Variants in NFATC3 observed in about 807,000 individuals in gnomAD.
NFATC3 encodes nuclear factor of activated T-cells, cytoplasmic 3.
In NFATC3, 46 loss-of-function variants were observed where a neutral mutation model predicts 98.6. The observed-to-expected ratio is 0.47, with a 90% confidence interval of 0.37 to 0.60. The LOEUF (loss-of-function observed/expected upper bound fraction) is 0.60, where lower values mean the gene tolerates loss of function less well. NFATC3 is among the 20% of genes least tolerant of loss of function. NFATC3 has a pLI of 0.00. For synonymous variants in NFATC3, 512 were observed against 472.2 expected (o/e 1.08, Z -1.09); for missense variants, 1,256 against 1,295.5 (o/e 0.97, Z 0.47).
intron 9 of NFATC3, among the ~76,000 whole-genome samples, chr16:68,214,850 G>T (rs2041570926): frequency 6.6e-6 from 1 of 152,066 alleles, no homozygotes; most frequent in Admixed American, 6.6e-5. Context: ...AGGCAACCCA[G>T]AATATTTATC....
rs770208557 is a variant in NFATC3, at chr16:68,122,800, C to T, written c.917C>T (p.Thr306Ile). 1.4e-5 allele frequency: 23 copies of T among 1,614,166 alleles called. 1 individual carries two copies. The Admixed American group carries it at 3.5e-4, about 25-fold the overall frequency. The change falls in exon 2 of 10, where the codon ACA becomes ATA. Residue 306 changes from threonine (T) to isoleucine (I), a missense_variant. This residue lies in a region of NFATC3 where 464 missense variants were observed against 465.7 expected (regional missense o/e 1.00). Coordinates refer to ENST00000346183, the MANE Select transcript of NFATC3 (RefSeq NM_173165.3). ...SPGHSPRGSV[T>I]EDTWLNASVH... is the part of the protein sequence containing the mutation. ...GGTCACTCCCCCAGGGGAAGTGTGA[C>T]AGAAGATACGTGGCTCAATGCTTCT...
intron 3 of NFATC3, among the ~76,000 whole-genome samples, chr16:68,141,439 G>A (rs1037827942): frequency 6.6e-6 from 1 of 152,178 alleles, no homozygotes; most frequent in South Asian, 2.1e-4. Context: ...CAGTGGACAA[G>A]TGTTCCCTTT....
At chr16:68,162,888 G>GCCGCCTT (rs1454523447) in intron 4 of NFATC3, among the ~76,000 whole-genome samples, 32 of 151,988 alleles carry the variant, frequency 2.1e-4, no homozygotes, top group Non-Finnish European at 4.6e-4. Context: ...AGAGGACCCT[G>GCCGCCTT]CCGCCTTCCG....
At chr16:68,101,770 A>G (rs2151463311) in intron 1 of NFATC3, among the ~76,000 whole-genome samples, 1 of 152,212 alleles carries the variant, frequency 6.6e-6, no homozygotes, top group African/African-American at 2.4e-5. Context: ...GGCATGACCC[A>G]CCGCACCCGG....
chr16:68,097,406 CTG>C (rs1238393292), intron 1 of NFATC3, among the ~76,000 whole-genome samples: 2 of 152,166 alleles, frequency 1.3e-5, no homozygotes, highest in South Asian at 4.1e-4. Context: ...TTTGAAGCAT[CTG>C]TAGATTTATT....
rs58981935 is a variant in NFATC3 at position 68,222,289 on chromosome 16, CAAAAAAAAAAAAAAAAA to C, written c.3107-4040_3107-4024del. Among the ~76,000 whole-genome samples, 88 of 26,406 alleles carry C rather than the reference CAAAAAAAAAAAAAAAAA, an allele frequency of 3.3e-3. 1 individual carries two copies. Among genetic ancestry groups the C allele is most frequent in the Middle Eastern group, 0.019 (1 of 52 alleles). The allele number at this position is 26,406 out of a possible 152,430, so 17.3% of individuals were successfully genotyped here. A position where few individuals can be genotyped will look rare whatever the true frequency, so the allele number is the denominator to read the frequency against. ...GGGCAACAGAGTGAGACCCCATTGC[CAAAAAAAAAAAAAAAAA>C]AAAAAAAAAAAAAAAAAAAATAGAA... On this transcript the variant is annotated intron_variant, in intron 9 of 9. Transcript: ENST00000346183.
chr16:68,178,147 G>C (rs2039801013), intron 6 of NFATC3, among the ~76,000 whole-genome samples: 1 of 151,816 alleles, frequency 6.6e-6, no homozygotes, highest in African/African-American at 2.4e-5. Context: ...ATCTCTCTCT[G>C]TAGCAACATG....
At chr16:68,175,723 CT>C (rs2039663861) in intron 6 of NFATC3, among the ~76,000 whole-genome samples, 1 of 151,838 alleles carries the variant, frequency 6.6e-6, no homozygotes, top group Non-Finnish European at 1.5e-5. Context: ...CCACACCTGG[CT>C]AATTTTTGTA....
intron 9 of NFATC3, among the ~76,000 whole-genome samples, chr16:68,222,289 C>CAAAAAAAAAAAAAAAAAAAAAAA (rs58981935): frequency 3.8e-5 from 1 of 26,404 alleles, no homozygotes; most frequent in Non-Finnish European, 8.8e-5. Context: ...ACCCCATTGC[C>CAAAAAAAAAAAAAAAAAAAAAAA]AAAAAAAAAA....
intron 4 of NFATC3, among the ~76,000 whole-genome samples, chr16:68,158,520 A>G (rs1365675535): frequency 6.6e-6 from 1 of 152,254 alleles, no homozygotes; most frequent in African/African-American, 2.4e-5. Context: ...AAAGGATTAT[A>G]TATAGTTGCC....
chr16:68,194,506 A>T (rs1295380131), intron 9 of NFATC3, among the ~76,000 whole-genome samples: 2 of 152,328 alleles, frequency 1.3e-5, no homozygotes, highest in Admixed American at 1.3e-4. Flanking sequence ...TGCAAAACAG[A>T]TTTGAAATAA....
At chr16:68,105,413 A>G (rs956670419) in intron 1 of NFATC3, among the ~76,000 whole-genome samples, 3 of 152,050 alleles carry the variant, frequency 2.0e-5, no homozygotes, top group Admixed American at 2.0e-4. Flanking sequence ...TCTTCACTCT[A>G]TTAATATGGT....
At chr16:68,193,247 C>A (rs144126774) in intron 9 of NFATC3, among the ~76,000 whole-genome samples, 1 of 151,950 alleles carries the variant, frequency 6.6e-6, no homozygotes, top group Non-Finnish European at 1.5e-5. Flanking sequence ...AAGGGACTTG[C>A]GCATTCATGG....
chr16:68,160,449 A>G (rs552165112), intron 4 of NFATC3, among the ~76,000 whole-genome samples: 1 of 152,304 alleles, frequency 6.6e-6, no homozygotes, highest in African/African-American at 2.4e-5. Flanking sequence ...TGGGCGACAG[A>G]GTGAGACTTA....
intron 1 of NFATC3, among the ~76,000 whole-genome samples, chr16:68,086,961 A>G (rs538994544): frequency 2.6e-5 from 4 of 152,348 alleles, no homozygotes; most frequent in African/African-American, 9.6e-5. Context: ...CTGTAGTGTT[A>G]TGATGAGGCA....
chr16:68,221,540 T>G, intron 9 of NFATC3: 2 of 1,242,506 alleles, frequency 1.6e-6, no homozygotes, highest in Non-Finnish European at 2.0e-6. Context: ...TTTTATTTAG[T>G]ACTCAATATA....
intron 9 of NFATC3, among the ~76,000 whole-genome samples, chr16:68,211,309 T>G (rs940795534): frequency 6.6e-6 from 1 of 151,756 alleles, no homozygotes; most frequent in African/African-American, 2.4e-5. Context: ...TGCCTCAGCC[T>G]CTCGAGTAGC....
chr16:68,094,005 T>A (rs2034871996), intron 1 of NFATC3, among the ~76,000 whole-genome samples: 1 of 152,186 alleles, frequency 6.6e-6, no homozygotes, highest in Non-Finnish European at 1.5e-5. Flanking sequence ...GGATGCTTCT[T>A]ATTCCTGCCT....
At chr16:68,150,311 T>C (rs2038247575) in intron 3 of NFATC3, among the ~76,000 whole-genome samples, 1 of 151,338 alleles carries the variant, frequency 6.6e-6, no homozygotes, top group African/African-American at 2.4e-5. Flanking sequence ...GCACAGTGGC[T>C]CATGCCCGTA....
Sources: allele counts gnomAD v4.1 joint callset (sites outside exome capture counted in the v4.1 genomes callset), GRCh38; gene constraint gnomAD v4.1.1; regional missense constraint gnomAD v4.1.1; transcripts MANE v1.5; gene names NCBI Gene and HGNC (gene_info 2026-07-23, HGNC 2026-07-21).